The following NCALD variants were observed in gnomAD, a reference collection of about 807,000 sequenced individuals.
NCALD encodes the protein neurocalcin delta, also known as neurocalcin-delta.
A neutral mutation model predicts 18.6 loss-of-function variants in NCALD; 10 were observed. The ratio of observed to expected loss-of-function variants is 0.54; its 90% CI spans 0.33 to 0.91. NCALD has a LOEUF of 0.91. NCALD is among the 40% of genes least tolerant of loss of function. The probability of loss-of-function intolerance (pLI) is 0.03; values close to 1 mark genes in which losing one functional copy is unlikely to be tolerated. For missense variants in NCALD, 184 were observed against 247.6 expected (o/e 0.74, Z 1.72); for synonymous variants, 88 against 87.4 (o/e 1.01, Z -0.04).
At chr8:102,009,130 T>C (rs1277856732) in intron 2 of NCALD, among the ~76,000 whole-genome samples, 3 of 152,230 alleles carry the variant, frequency 2.0e-5, no homozygotes, top group Non-Finnish European at 4.4e-5. Context: ...GATGTAAAAG[T>C]GTTTTGAATA....
chr8:102,103,554 T>C (rs1825355178), intron 1 of NCALD, among the ~76,000 whole-genome samples: 1 of 152,136 alleles, frequency 6.6e-6, no homozygotes, highest in Non-Finnish European at 1.5e-5. Context: ...TCTTTTCTTC[T>C]CTTTTCTTTC....
intron 2 of NCALD, among the ~76,000 whole-genome samples, chr8:101,917,950 G>C (rs989391447): frequency 6.6e-6 from 1 of 151,964 alleles, no homozygotes; most frequent in African/African-American, 2.4e-5. Context: ...AATAATCGAG[G>C]AGAAAGAACT....
chr8:101,899,044 T>C (rs1466078583), intron 3 of NCALD, among the ~76,000 whole-genome samples: 1 of 152,194 alleles, frequency 6.6e-6, no homozygotes, highest in Admixed American at 6.5e-5. Flanking sequence ...TTCTCTACTA[T>C]GTAGATACTC....
chr8:101,857,246 T>G (rs900431197), intron 4 of NCALD, among the ~76,000 whole-genome samples: 1 of 152,196 alleles, frequency 6.6e-6, no homozygotes, highest in African/African-American at 2.4e-5. Context: ...TGTCTCCTTT[T>G]AGATTCACAG....
At chr8:102,067,019 T>C (rs1389140375) in intron 1 of NCALD, among the ~76,000 whole-genome samples, 1 of 152,212 alleles carries the variant, frequency 6.6e-6, no homozygotes, top group South Asian at 2.1e-4. Flanking sequence ...TGGTTCAGAA[T>C]TGTTTGCATT....
chr8:102,079,542 C>T lies in NCALD; in HGVS notation c.-210+44695G>A, dbSNP rs570124157. On this transcript the variant is annotated intron_variant, in intron 1 of 6. Coordinates refer to the NCALD transcript ENST00000311028. The stretch of plus-strand genomic sequence containing the variant: ...ACTCTTTTGGAAGGCACATGGCAGC[C>T]TTTGCTGTCTATAAAGGAGGAAATA... Among the ~76,000 whole-genome samples, 5 of 143,530 alleles carry T rather than the reference C, an allele frequency of 3.5e-5. No individual in the cohort carries two copies. The South Asian group carries it at 1.3e-3, about 37-fold the overall frequency. The allele number at this position is 143,530 out of a possible 152,430, so 94.2% of individuals were successfully genotyped here. A position where few individuals can be genotyped will look rare whatever the true frequency, so the allele number is the denominator to read the frequency against.
intron 4 of NCALD, among the ~76,000 whole-genome samples, chr8:101,858,674 A>C (rs567578193): frequency 1.3e-5 from 2 of 152,154 alleles, no homozygotes; most frequent in African/African-American, 4.8e-5. Flanking sequence ...GAAATAGAAT[A>C]GCCCTAGGGA....
intron 1 of NCALD, among the ~76,000 whole-genome samples, chr8:102,044,597 C>G (rs1396415574): frequency 6.6e-6 from 1 of 152,226 alleles, no homozygotes; most frequent in African/African-American, 2.4e-5. Flanking sequence ...GCTAAGATAA[C>G]TTTCCAGTTA....
intron 1 of NCALD, among the ~76,000 whole-genome samples, chr8:102,089,064 C>G (rs757812064): frequency 1.3e-5 from 2 of 152,064 alleles, no homozygotes; most frequent in Non-Finnish European, 2.9e-5. Context: ...CTTTCCTGGC[C>G]CTGGGGTCCA....
rs185734843 is a variant in NCALD at position 101,988,666 on chromosome 8, T to C, written c.-157+31571A>G. On this transcript the variant is annotated intron_variant, in intron 2 of 6. Transcript: ENST00000311028. ...GGACAAAATTATTAATATGTGACTA[T>C]CCATGGTCTTCCCCTATCCTTGTCT... Among the ~76,000 whole-genome samples the C allele has an allele frequency of 2.4e-4, 37 of 152,266 alleles. No individual in the cohort carries two copies. The East Asian group carries it at 6.9e-3, about 29-fold the overall frequency.
At chr8:101,716,010 C>T (rs1424110580) in intron 2 of NCALD, among the ~76,000 whole-genome samples, 1 of 152,168 alleles carries the variant, frequency 6.6e-6, no homozygotes, top group Non-Finnish European at 1.5e-5. Context: ...TGTAAAGACG[C>T]ATGCACATAT....
chr8:101,957,612 AG>A (rs1819684412), intron 2 of NCALD, among the ~76,000 whole-genome samples: 1 of 152,170 alleles, frequency 6.6e-6, no homozygotes, highest in African/African-American at 2.4e-5. Flanking sequence ...AAAATGTGAA[AG>A]GGACACAAAG....
At chr8:101,804,589 A>T (rs1289393665) in intron 4 of NCALD, among the ~76,000 whole-genome samples, 9 of 130,394 alleles carry the variant, frequency 6.9e-5, no homozygotes, top group East Asian at 6.1e-4. Flanking sequence ...TAATTATATA[A>T]TATATAATTA....
At chr8:101,780,246 T>C (rs779510943) in intron 1 of NCALD, among the ~76,000 whole-genome samples, 1 of 152,106 alleles carries the variant, frequency 6.6e-6, no homozygotes, top group Non-Finnish European at 1.5e-5. Flanking sequence ...AGTTGAGTGA[T>C]TATATAAAAA....
Position 101,689,227 on chromosome 8 carries a change from GCA to G in NCALD, c.*80_*81del. Reference sequence around the variant, plus strand: ...ACGGCATCACCATTGATATTGTTTGGCAAAAAAAAAAAAAAATTGTTAAAAAG... The same window carrying G: ...ACGGCATCACCATTGATATTGTTTGGAAAAAAAAAAAAAATTGTTAAAAAG... On this transcript the variant is annotated 3_prime_UTR_variant, in exon 4 of 4. Transcript: ENST00000220931. This position sits in a 1 kb window ranked among gnomAD's most constrained non-coding sequence, Gnocchi z 4.4. 1 of 1,076,508 alleles carries G rather than the reference GCA, an allele frequency of 9.3e-7. No homozygotes were observed. Among genetic ancestry groups the G allele is most frequent in the Non-Finnish European group, 1.4e-6 (1 of 729,302 alleles). The allele number at this position is 1,076,508 out of a possible 1,614,324, so 66.7% of individuals were successfully genotyped here. A position where few individuals can be genotyped will look rare whatever the true frequency, so the allele number is the denominator to read the frequency against.
At chr8:102,035,583 A>G (rs1765719826) in intron 1 of NCALD, among the ~76,000 whole-genome samples, 2 of 152,108 alleles carry the variant, frequency 1.3e-5, no homozygotes, top group African/African-American at 4.8e-5. Context: ...ACAGTGAATC[A>G]GCGTTTGTTC....
chr8:102,122,987 G>A (rs760385710), intron 1 of NCALD, among the ~76,000 whole-genome samples: 2 of 152,132 alleles, frequency 1.3e-5, no homozygotes, highest in Non-Finnish European at 2.9e-5. Flanking sequence ...CCCCGCTACC[G>A]CAAGTACCCA....
intron 4 of NCALD, among the ~76,000 whole-genome samples, chr8:101,814,337 T>C (rs1174508975): frequency 6.6e-6 from 1 of 152,076 alleles, no homozygotes; most frequent in Non-Finnish European, 1.5e-5. Context: ...TGGTTTAACA[T>C]TCAAAATCAA....
chr8:101,895,169 T>C (rs1046683831), intron 3 of NCALD, among the ~76,000 whole-genome samples: 1 of 151,030 alleles, frequency 6.6e-6, no homozygotes, highest in African/African-American at 2.5e-5. Flanking sequence ...TCCACCATGA[T>C]CAAGTGGGCT....
Sources: allele counts gnomAD v4.1 joint callset (sites outside exome capture counted in the v4.1 genomes callset), GRCh38; gene constraint gnomAD v4.1.1; non-coding constraint Gnocchi (gnomAD v3.1); transcripts MANE v1.5; gene names NCBI Gene and HGNC (gene_info 2026-07-23, HGNC 2026-07-21).